Variants in CRADD observed in about 807,000 individuals in gnomAD.
CRADD encodes the protein death domain-containing protein CRADD.
A neutral mutation model predicts 15.5 loss-of-function variants in CRADD; 9 were observed. The observed-to-expected ratio is 0.58, with a 90% CI of 0.35 to 1.01. The LOEUF (loss-of-function observed/expected upper bound fraction) is 1.01. Among genes scored for constraint, CRADD ranks in the 50% least tolerant of loss-of-function variants. CRADD has a pLI of 0.02. For synonymous variants in CRADD, 118 were observed against 107.6 expected (o/e 1.10, Z -0.60); for missense variants, 227 against 250.3 (o/e 0.91, Z 0.63).
At chr12:93,886,446 C>A (rs1253038513) in intron 2 of CRADD, among the ~76,000 whole-genome samples, 1 of 152,160 alleles carries the variant, frequency 6.6e-6, no homozygotes, top group African/African-American at 2.4e-5. Context: ...CGGGTGTGAG[C>A]CACTGCGCCC....
intron 2 of CRADD, among the ~76,000 whole-genome samples, chr12:93,878,605 T>C (rs1315905154): frequency 6.6e-6 from 1 of 151,758 alleles, no homozygotes; most frequent in Middle Eastern, 3.2e-3. Flanking sequence ...CTTTTAAGTT[T>C]ATTTAGAAAC....
At chr12:93,826,548 G>C (rs1050573487) in intron 2 of CRADD, among the ~76,000 whole-genome samples, 4 of 152,200 alleles carry the variant, frequency 2.6e-5, no homozygotes, top group African/African-American at 9.7e-5. Context: ...CAGCCTAGGG[G>C]TGTGTTTCTG....
intron 2 of CRADD, among the ~76,000 whole-genome samples, chr12:93,845,578 AT>A (rs1555228663): frequency 1.5e-3 from 114 of 77,372 alleles, no homozygotes; most frequent in African/African-American, 3.1e-3. Context: ...ATATATATAT[AT>A]TTTTAATAAA....
intron 2 of CRADD, among the ~76,000 whole-genome samples, chr12:93,799,215 C>T (rs773145405): frequency 2.0e-5 from 3 of 152,138 alleles, no homozygotes; most frequent in Non-Finnish European, 2.9e-5. Context: ...ACTAAAACAA[C>T]GAATGTAACC....
intron 2 of CRADD, among the ~76,000 whole-genome samples, chr12:93,805,277 C>A (rs531765612): frequency 6.6e-6 from 1 of 151,358 alleles, no homozygotes; most frequent in Non-Finnish European, 1.5e-5. Context: ...ATTTCTGAGT[C>A]TTTTTTTCTT....
intron 2 of CRADD, among the ~76,000 whole-genome samples, chr12:93,733,064 G>T (rs1460897404): frequency 1.3e-5 from 2 of 152,192 alleles, no homozygotes; most frequent in African/African-American, 4.8e-5. Flanking sequence ...TTTAGGGGTT[G>T]TAAGGATTTG....
intron 2 of CRADD, among the ~76,000 whole-genome samples, chr12:93,711,499 C>T (rs1392072425): frequency 1.3e-5 from 2 of 152,170 alleles, no homozygotes; most frequent in East Asian, 3.9e-4. Flanking sequence ...GACTCCTCAT[C>T]ATAAATTAGC....
At chr12:93,696,977 G>A (rs932656360) in intron 2 of CRADD, among the ~76,000 whole-genome samples, 1 of 152,102 alleles carries the variant, frequency 6.6e-6, no homozygotes, top group African/African-American at 2.4e-5. Context: ...TGGTAGTGGG[G>A]GCCTGTAGTC....
intron 2 of CRADD, among the ~76,000 whole-genome samples, chr12:93,739,551 CA>C (rs1956637956): frequency 6.7e-6 from 1 of 150,246 alleles, no homozygotes; most frequent in African/African-American, 2.4e-5. Flanking sequence ...AAAATATAAT[CA>C]AAAGCATCAA....
At chr12:93,694,018 G>T (rs1955638100) in intron 2 of CRADD, among the ~76,000 whole-genome samples, 1 of 152,010 alleles carries the variant, frequency 6.6e-6, no homozygotes, top group Non-Finnish European at 1.5e-5. Flanking sequence ...AGCTAGATAA[G>T]GATACAAGAA....
At chr12:93,700,631 CT>C (rs1252796559) in intron 2 of CRADD, among the ~76,000 whole-genome samples, 1 of 152,142 alleles carries the variant, frequency 6.6e-6, no homozygotes, top group Non-Finnish European at 1.5e-5. Context: ...GGGGTTTCAC[CT>C]TGTTAGCCAG....
intron 2 of CRADD, among the ~76,000 whole-genome samples, chr12:93,684,954 A>T (rs765647781): frequency 6.6e-5 from 10 of 152,178 alleles, no homozygotes; most frequent in Admixed American, 1.3e-4. Context: ...AACATGTGAG[A>T]TGTGTGTGCA....
intron 2 of CRADD, among the ~76,000 whole-genome samples, chr12:93,885,758 G>A (rs928012337): frequency 2.8e-4 from 43 of 152,186 alleles, no homozygotes; most frequent in African/African-American, 9.7e-4. Context: ...CTCTGTAGGG[G>A]CCAGGCACAG....
chr12:93,833,493 C>T (rs1957933675), intron 2 of CRADD, among the ~76,000 whole-genome samples: 2 of 152,188 alleles, frequency 1.3e-5, no homozygotes, highest in South Asian at 4.1e-4. Flanking sequence ...CATGCACTAC[C>T]ATGCCTGGCT....
At chr12:93,705,454 C>G (rs1955926691) in intron 2 of CRADD, among the ~76,000 whole-genome samples, 1 of 152,178 alleles carries the variant, frequency 6.6e-6, no homozygotes, top group Admixed American at 6.5e-5. Flanking sequence ...CTCCTGTCTG[C>G]CTTGAACACA....
intron 2 of CRADD, among the ~76,000 whole-genome samples, chr12:93,870,675 A>G (rs1958410984): frequency 6.6e-6 from 1 of 152,168 alleles, no homozygotes; most frequent in Non-Finnish European, 1.5e-5. Flanking sequence ...TTTCAGGCTG[A>G]GATGGGCAAG....
chr12:93,817,064 T>C (rs1433314151), intron 2 of CRADD, among the ~76,000 whole-genome samples: 4 of 152,204 alleles, frequency 2.6e-5, no homozygotes. Context: ...GTAATACCTT[T>C]TTTTTTCTCA....
chr12:93,880,237 G>A (rs1196199076), intron 2 of CRADD, among the ~76,000 whole-genome samples: 1 of 152,170 alleles, frequency 6.6e-6, no homozygotes, highest in Non-Finnish European at 1.5e-5. Flanking sequence ...CTGGAAAGGA[G>A]AAAGCATGTT....
chr12:93,884,560 G>T (rs1391107987), intron 2 of CRADD, among the ~76,000 whole-genome samples: 1 of 152,208 alleles, frequency 6.6e-6, no homozygotes, highest in African/African-American at 2.4e-5. Context: ...GGAATTTGCA[G>T]CGAGGAGGAA....
Sources: gnomAD v4.1 joint callset for allele counts (sites outside exome capture counted in the v4.1 genomes callset) on GRCh38, gnomAD v4.1.1 for gene constraint, MANE v1.5 for transcripts, NCBI Gene and HGNC (gene_info 2026-07-23, HGNC 2026-07-21) for gene names.